Variants in OXSR1 observed in about 807,000 individuals in gnomAD.
The protein encoded by OXSR1 is serine/threonine-protein kinase OSR1.
OXSR1 carries 24 observed loss-of-function variants against 79.8 expected under a neutral mutation model. That is an observed-to-expected ratio of 0.30 (90% confidence interval 0.22 to 0.42). The LOEUF (loss-of-function observed/expected upper bound fraction) is 0.42, where lower values mean the gene tolerates loss of function less well. Among genes scored for constraint, OXSR1 ranks in the 10% least tolerant of loss-of-function variants. The probability of loss-of-function intolerance (pLI) is 1.00; values close to 1 mark genes in which losing one functional copy is unlikely to be tolerated. For missense variants in OXSR1, 430 were observed against 618.4 expected, an observed-to-expected ratio of 0.70 and a Z score of 3.23; for synonymous variants, 226 against 209.2, an observed-to-expected ratio of 1.08 and a Z score of -0.69.
At chr3:38,220,119 TG>T (rs1360395408) in intron 5 of OXSR1, among the ~76,000 whole-genome samples, 2 of 152,026 alleles carry the variant, frequency 1.3e-5, no homozygotes, top group African/African-American at 4.8e-5. Flanking sequence ...GATTATTGTG[TG>T]TTTTTTTTTT....
chr3:38,183,190 T>A (rs1575315070), intron 2 of OXSR1, 75 bp downstream of exon 2: 1 of 643,356 alleles, frequency 1.6e-6, no homozygotes, highest in African/African-American at 1.9e-5. Context: ...TAACTTGAAG[T>A]TTTTGATTTG....
At chr3:38,195,205 A>T (rs911477815) in intron 3 of OXSR1, among the ~76,000 whole-genome samples, 1 of 152,194 alleles carries the variant, frequency 6.6e-6, no homozygotes, top group African/African-American at 2.4e-5. Context: ...AATTAAGAAA[A>T]CTTCTGAGAG....
intron 2 of OXSR1, among the ~76,000 whole-genome samples, chr3:38,186,183 A>G (rs1701883066): frequency 6.6e-6 from 1 of 151,972 alleles, no homozygotes; most frequent in Non-Finnish European, 1.5e-5. Context: ...AAAAATTAGG[A>G]TTTTATTTGA....
At chr3:38,247,842 C>A in intron 14 of OXSR1, 110 bp downstream of exon 14, 1 of 641,890 alleles carries the variant, frequency 1.6e-6, no homozygotes, top group Non-Finnish European at 2.7e-6. Flanking sequence ...CCTCCAGCAT[C>A]AAGCTCTGTT....
chr3:38,179,789 G>A (rs1200894989), intron 1 of OXSR1, among the ~76,000 whole-genome samples: 1 of 146,862 alleles, frequency 6.8e-6, no homozygotes, highest in Non-Finnish European at 1.5e-5. Context: ...TTTTCCATCT[G>A]CATTTGATTG....
chr3:38,216,298 C>T (rs1036673648), intron 5 of OXSR1, 147 bp downstream of exon 5: 17 of 580,104 alleles, frequency 2.9e-5, no homozygotes, highest in African/African-American at 5.8e-5. Context: ...AGGATGCCAC[C>T]GACTCTCAAG....
intron 4 of OXSR1, among the ~76,000 whole-genome samples, chr3:38,207,264 T>C (rs1283478283): frequency 2.6e-5 from 4 of 152,348 alleles, no homozygotes; most frequent in African/African-American, 9.6e-5. Flanking sequence ...ATCTCTGATT[T>C]ACAGGGCTGT....
chr3:38,207,743 C>T (rs1702294868), intron 4 of OXSR1, among the ~76,000 whole-genome samples: 1 of 152,210 alleles, frequency 6.6e-6, no homozygotes, highest in Non-Finnish European at 1.5e-5. Flanking sequence ...TTGTTCGCAT[C>T]ACAGTGGCTA....
At chr3:38,188,121 A>G (rs916190408) in intron 2 of OXSR1, among the ~76,000 whole-genome samples, 1 of 152,096 alleles carries the variant, frequency 6.6e-6, no homozygotes, top group African/African-American at 2.4e-5. Context: ...TGTTTTTTTG[A>G]TAGTCTTTTG....
At chr3:38,177,261 AG>A (rs1289025593) in intron 1 of OXSR1, among the ~76,000 whole-genome samples, 1 of 152,198 alleles carries the variant, frequency 6.6e-6, no homozygotes, top group Admixed American at 6.5e-5. Flanking sequence ...CTCTCACTGA[AG>A]GCAAGAGAAA....
chr3:38,242,758 GAATC>G lies in OXSR1; in HGVS notation c.1094_1097del (p.Ser365TyrfsTer71). The stretch of plus-strand genomic sequence containing the variant: ...TTTCGTTTAGTCTCCCCGAGTGAAA[GAATC>G]AATATCAAATTCTGAGGTAAGTAAT... On this transcript the variant is annotated frameshift_variant, in exon 12 of 18. Coordinates refer to ENST00000311806, the MANE Select transcript of OXSR1 (RefSeq NM_005109.3). LOFTEE classifies it high-confidence loss of function. The G allele has an allele frequency of 6.4e-7, 1 of 1,563,504 alleles. No individual in the cohort carries two copies. Among genetic ancestry groups the G allele is most frequent in the Non-Finnish European group, 8.7e-7 (1 of 1,143,086 alleles).
At chr3:38,250,057 AT>A (rs1390724596) in intron 15 of OXSR1, 39 bp downstream of exon 15, 2 of 1,256,746 alleles carry the variant, frequency 1.6e-6, no homozygotes, top group African/African-American at 3.0e-5. Flanking sequence ...ATAGCTTCCA[AT>A]TTGTGATTCA....
At chr3:38,170,305 CA>C (rs1160968865) in intron 1 of OXSR1, among the ~76,000 whole-genome samples, 2 of 152,192 alleles carry the variant, frequency 1.3e-5, no homozygotes, top group Non-Finnish European at 2.9e-5. Flanking sequence ...CTCGGCCTCC[CA>C]AAGTGTTGGG....
chr3:38,251,280 G>A, intron 15 of OXSR1, 123 bp from the exon 16 acceptor site: 1 of 747,356 alleles, frequency 1.3e-6, no homozygotes, highest in South Asian at 1.5e-5. Flanking sequence ...CTGCCTTCTT[G>A]GTTCTGTGGA....
At chr3:38,169,555 T>C (rs1481579599) in intron 1 of OXSR1, among the ~76,000 whole-genome samples, 1 of 152,124 alleles carries the variant, frequency 6.6e-6, no homozygotes, top group African/African-American at 2.4e-5. Context: ...ATCCGCCTGC[T>C]TGGCCTCCCA....
At position 38,224,563 on chromosome 3, in the gene OXSR1, T is replaced by C; in HGVS notation, c.703-8T>C. 1 of 1,576,332 alleles carries C rather than the reference T, an allele frequency of 6.3e-7. No individual in the cohort carries two copies. The highest frequency in any genetic ancestry group is 1.2e-5 in the South Asian group (1 of 82,812). On this transcript the variant is annotated splice_polypyrimidine_tract_variant and splice_region_variant and intron_variant, in intron 7 of 17. Transcript: ENST00000311806. ...CACAAGTTTATAGTATATTGAAAAT[T>C]CTTGCAGGTTTTAATGCTGACACTG... is the stretch of plus-strand genomic sequence containing the variant.
chr3:38,185,243 A>T (rs35074592), intron 2 of OXSR1, among the ~76,000 whole-genome samples: 1,745 of 152,262 alleles, frequency 0.011, 24 homozygotes, highest in East Asian at 0.05. Context: ...ACCATAGGCA[A>T]CACCAACATG....
At chr3:38,244,012 C>T (rs1350426325) in intron 12 of OXSR1, among the ~76,000 whole-genome samples, 1 of 152,170 alleles carries the variant, frequency 6.6e-6, no homozygotes, top group African/African-American at 2.4e-5. Flanking sequence ...GCTTGTTAGC[C>T]CCCGCTGGCG....
intron 1 of OXSR1, among the ~76,000 whole-genome samples, chr3:38,182,403 G>T (rs1405732141): frequency 6.6e-6 from 1 of 152,212 alleles, no homozygotes; most frequent in Non-Finnish European, 1.5e-5. Flanking sequence ...CCTGGATGGG[G>T]ACTGGAAAAT....
Sources: allele counts gnomAD v4.1 joint callset (sites outside exome capture counted in the v4.1 genomes callset), GRCh38; gene constraint gnomAD v4.1.1; transcripts MANE v1.5; gene names NCBI Gene and HGNC (gene_info 2026-07-23, HGNC 2026-07-21).